The following ZNF518A variants were observed in gnomAD, a reference collection of about 807,000 sequenced individuals.
The protein encoded by ZNF518A is zinc finger protein 518.
Under a neutral mutation model 102.7 loss-of-function variants are expected in ZNF518A, and 47 were observed. The observed-to-expected ratio is 0.46, with a 90% CI of 0.36 to 0.58. The LOEUF is 0.58. Ranked by LOEUF, ZNF518A falls within the 20% of genes least tolerant of loss-of-function variation. The probability of loss-of-function intolerance (pLI) is 0.00; values close to 1 mark genes in which losing one functional copy is unlikely to be tolerated. For synonymous variants in ZNF518A, 652 were observed against 594.6 expected, an observed-to-expected ratio of 1.10 and a Z score of -1.40; for missense variants, 1,793 against 1,699.8, an observed-to-expected ratio of 1.05 and a Z score of -0.96.
At position 96,160,493 on chromosome 10, in the gene ZNF518A, G is replaced by A. The variant is rs2082953224; in HGVS notation, c.4171G>A (p.Val1391Ile). 6.2e-7 allele frequency: 1 copy of A among 1,613,240 alleles called. No individual in the cohort carries two copies. The highest frequency in any genetic ancestry group is 8.5e-7 in the Non-Finnish European group (1 of 1,179,560). The change falls in exon 6 of 6, where the codon GTT becomes ATT. Residue 1391 changes from valine (V) to isoleucine (I), a missense_variant. This residue lies in a region of ZNF518A where 1,741 missense variants were observed against 1,622.6 expected (regional missense o/e 1.07). Coordinates refer to ENST00000316045, the MANE Select transcript of ZNF518A (RefSeq NM_001330736.2). ...AACTATAAATGCTTTACTGAAACCAGTTTGTTATAACCCTCCTAAAACAAC... is the reference window on the plus strand; with the variant it reads ...AACTATAAATGCTTTACTGAAACCAATTTGTTATAACCCTCCTAAAACAAC... Reference protein sequence around the residue: ...KRTINALLKPVCYNPPKTTYD... With the variant: ...KRTINALLKPICYNPPKTTYD...
At chr10:96,147,892 C>T (rs1554879065) in intron 3 of ZNF518A, among the ~76,000 whole-genome samples, 1 of 152,138 alleles carries the variant, frequency 6.6e-6, no homozygotes, top group Non-Finnish European at 1.5e-5. Flanking sequence ...CCTTTGTACT[C>T]TCTTCCTGCC....
At position 96,158,746 on chromosome 10, in the gene ZNF518A, C is replaced by T. The variant is rs1180408869; in HGVS notation, c.2424C>T (p.Gly808=). 2 of 1,613,270 alleles carry T rather than the reference C, an allele frequency of 1.2e-6. No homozygotes were observed. The highest frequency in any genetic ancestry group is 2.7e-5 in the African/African-American group (2 of 75,010). ...ACTCTAGTAACACTCCAAATAAAGG[C>T]TTGCCACTTCATTGTGACCAGTCAT... The part of the protein sequence containing the change: ...KQDSSNTPNK[G]LPLHCDQSFQ... The change falls in exon 6 of 6, where the codon GGC becomes GGT. Residue 808 remains glycine (G), a synonymous_variant. Transcript: ENST00000316045.
intron 1 of ZNF518A, among the ~76,000 whole-genome samples, chr10:96,179,826 T>C (rs1283304879): frequency 7.0e-6 from 1 of 142,456 alleles, no homozygotes; most frequent in African/African-American, 2.5e-5. Flanking sequence ...CTCTTTCTCC[T>C]TCTCCTCCTC....
At chr10:96,204,636 A>T, downstream of ZNF518A, 1 of 1,612,336 alleles carries the variant, frequency 6.2e-7, no homozygotes, top group Non-Finnish European at 8.5e-7. Context: ...GAAAATTATC[A>T]TATTAGGATT....
intron 3 of ZNF518A, among the ~76,000 whole-genome samples, chr10:96,139,158 G>C (rs139537758): frequency 6.6e-6 from 1 of 152,088 alleles, no homozygotes; most frequent in Admixed American, 6.5e-5. Flanking sequence ...GCTTGTTGGA[G>C]TATATGTACA....
chr10:96,130,106 G>C (rs587750146), upstream of ZNF518A: 4 of 152,862 alleles, frequency 2.6e-5, no homozygotes, highest in East Asian at 5.8e-4. Flanking sequence ...GCAGGCAATG[G>C]GTACTACGAC....
intron 1 of ZNF518A, among the ~76,000 whole-genome samples, chr10:96,175,857 CCCTCCCTG>C (rs1391087073): frequency 8.3e-6 from 1 of 120,978 alleles, no homozygotes; most frequent in Admixed American, 9.3e-5. Context: ...TACAAGTATT[CCCTCCCTG>C]CCTCCCTCCC....
At chr10:96,177,984 G>A (rs1166051493) in intron 1 of ZNF518A, among the ~76,000 whole-genome samples, 2 of 152,148 alleles carry the variant, frequency 1.3e-5, no homozygotes, top group African/African-American at 2.4e-5. Flanking sequence ...AAGTAAAAGC[G>A]ACAGAACTAT....
At chr10:96,192,221 A>C (rs2083344488) in intron 1 of ZNF518A, 5 of 1,318,128 alleles carry the variant, frequency 3.8e-6, no homozygotes, top group Non-Finnish European at 5.3e-6. Context: ...CTGCACAAAA[A>C]AATCTAGTTT....
intron 3 of ZNF518A, 126 bp downstream of exon 3, chr10:96,133,774 C>G (rs1233428682): frequency 2.6e-5 from 4 of 152,152 alleles, no homozygotes; most frequent in Non-Finnish European, 5.9e-5. Context: ...CGTGTTCTTC[C>G]CTGAACTTCA....
intron 1 of ZNF518A, chr10:96,192,177 A>G (rs1484290377): frequency 2.6e-6 from 4 of 1,550,812 alleles, no homozygotes; most frequent in Non-Finnish European, 3.5e-6. Flanking sequence ...CTCATTCTCA[A>G]GTTAGTAAAA....
At position 96,162,950 on chromosome 10, in the gene ZNF518A, A is replaced by G. The variant is rs905854492; in HGVS notation, c.*2176A>G. On this transcript the variant is annotated 3_prime_UTR_variant, in exon 6 of 6. Transcript: ENST00000316045. ...TATGGTTATGCTGGCAAGGTGAGCC[A>G]TAGAGAGGCTTATAGTCTTCAGTAC... 6.0e-5 allele frequency: 10 copies of G among 166,994 alleles called. No individual in the cohort carries two copies. Among genetic ancestry groups the G allele is most frequent in the African/African-American group, 2.2e-4 (9 of 41,448 alleles). 10.3% of individuals were successfully genotyped at this position (166,994 alleles called of 1,614,324 possible).
At chr10:96,194,783 T>TTTTTTC (rs1378787229) in intron 1 of ZNF518A, among the ~76,000 whole-genome samples, 1 of 145,366 alleles carries the variant, frequency 6.9e-6, no homozygotes, top group Non-Finnish European at 1.5e-5. Context: ...TTTTTTTTTT[T>TTTTTTC]TTTTTGAGAC....
intron 3 of ZNF518A, chr10:96,151,385 A>G (rs985970908): frequency 2.0e-5 from 3 of 152,266 alleles, no homozygotes; most frequent in Admixed American, 1.3e-4. Context: ...TTTGTTCAGA[A>G]ATAATGTCCT....
At chr10:96,190,239 A>G (rs2083307793) in intron 1 of ZNF518A, 2 of 741,808 alleles carry the variant, frequency 2.7e-6, no homozygotes, top group Non-Finnish European at 4.9e-6. Flanking sequence ...GCACACACTT[A>G]GGTGGGAGAG....
At chr10:96,181,437 T>C (rs1554892026) in intron 1 of ZNF518A, among the ~76,000 whole-genome samples, 1 of 152,206 alleles carries the variant, frequency 6.6e-6, no homozygotes, top group Admixed American at 6.5e-5. Flanking sequence ...ATGTCCTGAA[T>C]GGTATTGCCT....
chr10:96,158,588 G>A lies in ZNF518A; in HGVS notation c.2266G>A (p.Val756Ile), dbSNP rs1450378056. Residue 756 changes from valine to isoleucine, a missense_variant, in exon 6 of 6, where the codon GTC becomes ATC. Around this residue, in one of 3 missense-constraint regions of ZNF518A, gnomAD observed 1,741 missense variants for 1,622.6 expected, o/e 1.07. Transcript: ENST00000316045. ...ATCTAAATGGGAAGACTTTTCTAAT[G>A]TCGATTCACCTATGATGCCTAGAAT... ...EKSKWEDFSN[V>I]DSPMMPRITS... is the part of the protein sequence containing the mutation. 18 of 1,613,154 alleles carry A rather than the reference G, an allele frequency of 1.1e-5. No individual in the cohort carries two copies. Among genetic ancestry groups the A allele is most frequent in the East Asian group, 8.9e-5 (4 of 44,878 alleles).
At chr10:96,145,003 A>G (rs2082104378) in intron 3 of ZNF518A, among the ~76,000 whole-genome samples, 1 of 152,228 alleles carries the variant, frequency 6.6e-6, no homozygotes, top group South Asian at 2.1e-4. Context: ...TTTTAACAGT[A>G]TCAAGATCAG....
intron 1 of ZNF518A, among the ~76,000 whole-genome samples, chr10:96,195,667 CTG>C (rs587703829): frequency 1.1e-3 from 165 of 152,238 alleles, no homozygotes; most frequent in Non-Finnish European, 1.7e-3. Context: ...AAAAGGGAAA[CTG>C]TTGTTCAGTG....
Sources: allele counts gnomAD v4.1 joint callset (sites outside exome capture counted in the v4.1 genomes callset), GRCh38; gene constraint gnomAD v4.1.1; regional missense constraint gnomAD v4.1.1; transcripts MANE v1.5; gene names NCBI Gene and HGNC (gene_info 2026-07-23, HGNC 2026-07-21).